LUZP2: variants seen among roughly 807,000 people sequenced by gnomAD.
LUZP2 encodes the protein leucine zipper protein 2.
Under a neutral mutation model 51.6 loss-of-function variants are expected in LUZP2, and 52 were observed. The ratio of observed to expected loss-of-function variants is 1.01; its 90% CI spans 0.81 to 1.27. LUZP2 has a LOEUF of 1.27. LUZP2 is among the 50% of genes most tolerant of loss of function. The probability of loss-of-function intolerance (pLI) is 0.00; values close to 1 mark genes in which losing one functional copy is unlikely to be tolerated. For missense variants in LUZP2, 436 were observed against 395.4 expected, an observed-to-expected ratio of 1.10 and a Z score of -0.87; for synonymous variants, 154 against 137.3, an observed-to-expected ratio of 1.12 and a Z score of -0.85.
At chr11:24,545,327 C>T (rs531030737) in intron 1 of LUZP2, among the ~76,000 whole-genome samples, 92 of 151,960 alleles carry the variant, frequency 6.1e-4, no homozygotes, top group African/African-American at 2.1e-3. Flanking sequence ...CTTTTGAAGA[C>T]TTCATCATGA....
chr11:25,067,497 G>A (rs1053698865), intron 10 of LUZP2, among the ~76,000 whole-genome samples: 6 of 151,828 alleles, frequency 4.0e-5, no homozygotes, highest in African/African-American at 1.5e-4. Context: ...TTCTTCTAGG[G>A]TTTTTATGGT....
chr11:25,047,714 T>C (rs575122547), intron 9 of LUZP2, among the ~76,000 whole-genome samples: 1 of 152,290 alleles, frequency 6.6e-6, no homozygotes, highest in South Asian at 2.1e-4. Flanking sequence ...TGTATTAGTT[T>C]CCCACTCTCA....
intron 7 of LUZP2, among the ~76,000 whole-genome samples, chr11:24,922,344 C>A (rs1187739130): frequency 6.6e-6 from 1 of 152,090 alleles, no homozygotes; most frequent in African/African-American, 2.4e-5. Flanking sequence ...GCATTGCAAC[C>A]TGAATTTCCA....
chr11:24,933,126 A>G lies in LUZP2; in HGVS notation c.522+18588A>G, dbSNP rs1382791270. On this transcript the variant is annotated intron_variant, in intron 7 of 11. Coordinates refer to ENST00000336930, the MANE Select transcript of LUZP2 (RefSeq NM_001009909.4). ...GAGGATGTGTGTTCAGGGGTGCACA[A>G]TCCTCCTTTCACACTTTCACACTTT... Among the ~76,000 whole-genome samples the G allele has an allele frequency of 2.0e-5, 3 of 152,100 alleles. No individual in the cohort carries two copies. In the East Asian group the frequency reaches 5.8e-4, roughly 29 times the overall value.
chr11:25,076,885 T>G (rs940165057), intron 10 of LUZP2, among the ~76,000 whole-genome samples: 2 of 152,002 alleles, frequency 1.3e-5, no homozygotes, highest in African/African-American at 2.4e-5. Flanking sequence ...AAAAAGATAC[T>G]GAGGATTTTA....
intron 5 of LUZP2, among the ~76,000 whole-genome samples, chr11:24,835,487 C>G (rs1030534497): frequency 1.2e-4 from 19 of 152,066 alleles, no homozygotes; most frequent in Admixed American, 6.6e-4. Context: ...AGAGCTTCTG[C>G]ACAGCAAAAT....
At chr11:24,856,664 A>G (rs1037977959) in intron 5 of LUZP2, among the ~76,000 whole-genome samples, 2 of 152,116 alleles carry the variant, frequency 1.3e-5, no homozygotes, top group Non-Finnish European at 2.9e-5. Context: ...TAGCAAAGAT[A>G]TGGGTCAATA....
intron 1 of LUZP2, among the ~76,000 whole-genome samples, chr11:24,555,444 A>C (rs908537691): frequency 6.6e-6 from 1 of 152,176 alleles, no homozygotes; most frequent in Non-Finnish European, 1.5e-5. Flanking sequence ...AACACCTATC[A>C]GCCATCTTTA....
In LUZP2 at chr11:25,082,499, T is replaced by C. The variant is rs1056615610; in HGVS notation, c.*3841T>C. 1 of 152,420 alleles carries C rather than the reference T, an allele frequency of 6.6e-6. No individual in the cohort carries two copies. Among genetic ancestry groups the C allele is most frequent in the African/African-American group, 2.4e-5 (1 of 41,454 alleles). 9.4% of individuals were successfully genotyped at this position (152,420 alleles called of 1,614,324 possible). On this transcript the variant is annotated 3_prime_UTR_variant, in exon 12 of 12. Coordinates refer to ENST00000336930, the MANE Select transcript of LUZP2 (RefSeq NM_001009909.4). ...ACATACTGTTTACTTAGGAGACATTTTCTTAGTCGTGTGTATAGTCCTAAA... is the reference window on the plus strand; with the variant it reads ...ACATACTGTTTACTTAGGAGACATTCTCTTAGTCGTGTGTATAGTCCTAAA...
At chr11:24,536,316 A>G (rs1052939700) in intron 1 of LUZP2, among the ~76,000 whole-genome samples, 1 of 151,734 alleles carries the variant, frequency 6.6e-6, no homozygotes, top group African/African-American at 2.4e-5. Context: ...CCAAGCATTG[A>G]TTTCTCTTCT....
At chr11:24,605,762 G>A (rs1300944859) in intron 1 of LUZP2, among the ~76,000 whole-genome samples, 2 of 151,730 alleles carry the variant, frequency 1.3e-5, no homozygotes, top group African/African-American at 4.8e-5. Context: ...GAAATTTCAA[G>A]TGTACCTTAC....
chr11:24,876,630 T>G (rs1852274808), intron 5 of LUZP2, among the ~76,000 whole-genome samples: 1 of 151,744 alleles, frequency 6.6e-6, no homozygotes. Context: ...TCCAATTCTG[T>G]GAAGAAAGTC....
intron 1 of LUZP2, among the ~76,000 whole-genome samples, chr11:24,725,496 G>A (rs1320981913): frequency 6.6e-6 from 1 of 151,804 alleles, no homozygotes; most frequent in Non-Finnish European, 1.5e-5. Context: ...TTTTATAAAT[G>A]TACATAAACT....
intron 5 of LUZP2, among the ~76,000 whole-genome samples, chr11:24,887,325 A>G (rs1482716265): frequency 2.0e-5 from 3 of 152,220 alleles, no homozygotes; most frequent in African/African-American, 4.8e-5. Context: ...CTGGAGGACA[A>G]TCTTCTGTTT....
At chr11:24,537,905 A>C (rs1404427145) in intron 1 of LUZP2, among the ~76,000 whole-genome samples, 1 of 151,848 alleles carries the variant, frequency 6.6e-6, no homozygotes, top group Non-Finnish European at 1.5e-5. Context: ...TAAAAAAAAT[A>C]AATAGGCTAA....
intron 1 of LUZP2, among the ~76,000 whole-genome samples, chr11:24,639,647 C>T (rs1166705856): frequency 1.3e-5 from 2 of 151,778 alleles, no homozygotes; most frequent in Non-Finnish European, 2.9e-5. Context: ...GACAGGGTTT[C>T]ACCACGTTGG....
intron 5 of LUZP2, among the ~76,000 whole-genome samples, chr11:24,792,997 C>A (rs1849448318): frequency 6.6e-6 from 1 of 152,138 alleles, no homozygotes; most frequent in Admixed American, 6.6e-5. Flanking sequence ...GATTCATTGT[C>A]TTTCTTTGCC....
intron 6 of LUZP2, among the ~76,000 whole-genome samples, chr11:24,910,139 C>G (rs1035727658): frequency 4.6e-5 from 7 of 151,982 alleles, no homozygotes; most frequent in African/African-American, 1.7e-4. Flanking sequence ...GAACTTCGAA[C>G]TTGTGAGAGA....
At position 24,715,914 on chromosome 11, in the gene LUZP2, A is replaced by G. The variant is rs139690274; in HGVS notation, c.63-13255A>G. 6.3e-3 allele frequency among the ~76,000 whole-genome samples: 953 copies of G among 152,274 alleles called. 15 individuals are homozygous for G. The highest frequency in any genetic ancestry group is 0.022 in the African/African-American group (926 of 41,568). On this transcript the variant is annotated intron_variant, in intron 1 of 11. Transcript: ENST00000336930. Reference sequence around the variant, plus strand: ...ATAATCTAGTATTTTTTCATCAATGATATCTAGGGTTGACGACTATTTTCA... The same window carrying G: ...ATAATCTAGTATTTTTTCATCAATGGTATCTAGGGTTGACGACTATTTTCA...
Sources: allele counts gnomAD v4.1 joint callset (sites outside exome capture counted in the v4.1 genomes callset), GRCh38; gene constraint gnomAD v4.1.1; transcripts MANE v1.5; gene names NCBI Gene and HGNC (gene_info 2026-07-23, HGNC 2026-07-21).